Variants in ZNF385D observed in about 807,000 individuals in gnomAD.
ZNF385D encodes zinc finger protein 385D.
In ZNF385D, 15 loss-of-function variants were observed where a neutral mutation model predicts 35.8. The observed-to-expected ratio is 0.42, with a 90% CI of 0.28 to 0.64. The LOEUF is 0.64. ZNF385D is among the 30% of genes least tolerant of loss of function. The pLI is 0.23. For missense variants in ZNF385D, 474 were observed against 494.6 expected, an observed-to-expected ratio of 0.96 and a Z score of 0.39; for synonymous variants, 212 against 186.8, an observed-to-expected ratio of 1.13 and a Z score of -1.10.
At chr3:21,805,106 G>A (rs534136600) in intron 3 of ZNF385D, among the ~76,000 whole-genome samples, 38 of 152,226 alleles carry the variant, frequency 2.5e-4, no homozygotes, top group Middle Eastern at 3.4e-3. Flanking sequence ...TCTAATTACC[G>A]GCTTTTTGCT....
intron 3 of ZNF385D, among the ~76,000 whole-genome samples, chr3:21,985,857 T>C (rs955895859): frequency 1.6e-4 from 20 of 124,796 alleles, no homozygotes; most frequent in Non-Finnish European, 3.1e-4. Context: ...CTGTTATTGG[T>C]CTATTCAGAG....
At chr3:21,515,323 C>T (rs915758717) in intron 3 of ZNF385D, among the ~76,000 whole-genome samples, 63 of 152,126 alleles carry the variant, frequency 4.1e-4, no homozygotes, top group African/African-American at 1.5e-3. Context: ...CTTTTCACAT[C>T]TCTTTTACAA....
chr3:21,735,933 A>C (rs767995081), intron 1 of ZNF385D, among the ~76,000 whole-genome samples: 4 of 152,218 alleles, frequency 2.6e-5, no homozygotes, highest in Non-Finnish European at 5.9e-5. Flanking sequence ...CTTTACATAA[A>C]TGTCCCTACT....
chr3:21,436,886 G>A, intron 5 of ZNF385D, 84 bp downstream of exon 5: 1 of 1,297,472 alleles, frequency 7.7e-7, no homozygotes, highest in Non-Finnish European at 1.1e-6. Context: ...CCACCCCTTT[G>A]TCCCCTGCTG....
chr3:22,067,940 G>C (rs895923063), intron 3 of ZNF385D, among the ~76,000 whole-genome samples: 1 of 151,910 alleles, frequency 6.6e-6, no homozygotes, highest in African/African-American at 2.4e-5. Flanking sequence ...TTGAACCCGG[G>C]AGGCAGAGGT....
At chr3:21,710,228 T>C (rs748916724) in intron 1 of ZNF385D, among the ~76,000 whole-genome samples, 45 of 152,184 alleles carry the variant, frequency 3.0e-4, no homozygotes, top group Middle Eastern at 3.2e-3. Context: ...AGTGGTTACA[T>C]AGACTGCATG....
At chr3:21,995,864 A>C (rs1695433254) in intron 3 of ZNF385D, among the ~76,000 whole-genome samples, 1 of 151,958 alleles carries the variant, frequency 6.6e-6, no homozygotes. Flanking sequence ...GTGGGGATAC[A>C]CTTTGGTTCT....
intron 3 of ZNF385D, among the ~76,000 whole-genome samples, chr3:22,002,789 A>G (rs1032973524): frequency 2.0e-5 from 3 of 152,204 alleles, no homozygotes; most frequent in African/African-American, 4.8e-5. Flanking sequence ...TTCAACATAC[A>G]CAAATAAAGA....
intron 3 of ZNF385D, among the ~76,000 whole-genome samples, chr3:22,043,773 A>G (rs1371545898): frequency 1.3e-5 from 2 of 152,120 alleles, no homozygotes; most frequent in African/African-American, 4.8e-5. Context: ...TAAAAATGAC[A>G]GGTTGTCATT....
intron 3 of ZNF385D, among the ~76,000 whole-genome samples, chr3:21,785,785 G>A (rs986898863): frequency 6.6e-6 from 1 of 152,108 alleles, no homozygotes; most frequent in African/African-American, 2.4e-5. Flanking sequence ...AAAATTTGAA[G>A]GTAAATAGGA....
chr3:21,888,094 G>GA (rs1417345584), intron 3 of ZNF385D, among the ~76,000 whole-genome samples: 3 of 151,358 alleles, frequency 2.0e-5, no homozygotes, highest in Non-Finnish European at 4.4e-5. Context: ...CCCTTTTTTG[G>GA]AAAAAACATC....
At chr3:21,437,276 T>A in intron 4 of ZNF385D, 73 bp from the exon 5 acceptor site, 1 of 1,377,250 alleles carries the variant, frequency 7.3e-7, no homozygotes, top group Non-Finnish European at 1.0e-6. Flanking sequence ...GAATGTATCA[T>A]GAATATTGCA....
At chr3:21,612,109 C>T (rs1352937440) in intron 2 of ZNF385D, among the ~76,000 whole-genome samples, 2 of 152,006 alleles carry the variant, frequency 1.3e-5, no homozygotes, top group Non-Finnish European at 2.9e-5. Flanking sequence ...GATGGAGTGT[C>T]GCTCTGTAGC....
intron 3 of ZNF385D, among the ~76,000 whole-genome samples, chr3:22,041,295 G>A (rs1379298335): frequency 1.3e-5 from 2 of 152,072 alleles, no homozygotes; most frequent in African/African-American, 4.8e-5. Flanking sequence ...CTATAGCCAG[G>A]CATCTATAGT....
At chr3:21,801,110 T>G (rs2072379316) in intron 3 of ZNF385D, among the ~76,000 whole-genome samples, 1 of 152,174 alleles carries the variant, frequency 6.6e-6, no homozygotes, top group South Asian at 2.1e-4. Flanking sequence ...TCTATTAATA[T>G]TCTTTATTAC....
chr3:22,361,054 C>T lies in ZNF385D; in HGVS notation c.106+11396G>A, dbSNP rs935802763. ...GAGGAAAAAAAGTCACAGCCTTTGC[C>T]GCTCAAAACAAAACTAGTTGATGTT... On this transcript the variant is annotated intron_variant, in intron 2 of 5. Transcript: ENST00000494108. Among the ~76,000 whole-genome samples the T allele has an allele frequency of 2.6e-5, 4 of 152,060 alleles. 1 individual carries two copies. The highest frequency in any genetic ancestry group is 4.1e-4 in the South Asian group (2 of 4,824).
At position 22,218,297 on chromosome 3, in the gene ZNF385D, C is replaced by A. The variant is rs111240458; in HGVS notation, c.107-49262G>T. ...TTATTCACCTTTGACTAATTGTATC[C>A]CTAGTATTTACTTTTATGTATTTTT... On this transcript the variant is annotated intron_variant, in intron 2 of 5. Coordinates refer to the ZNF385D transcript ENST00000494108. Among the ~76,000 whole-genome samples the A allele has an allele frequency of 3.7e-3, 564 of 151,786 alleles. 6 individuals are homozygous for A. The highest frequency in any genetic ancestry group is 0.013 in the African/African-American group (518 of 41,400).
At chr3:22,234,979 A>C (rs955981755) in intron 2 of ZNF385D, among the ~76,000 whole-genome samples, 1 of 152,038 alleles carries the variant, frequency 6.6e-6, no homozygotes, top group African/African-American at 2.4e-5. Flanking sequence ...AGAAAATTTA[A>C]GTTTTTATTT....
At chr3:21,702,049 C>T (rs7612487) in intron 1 of ZNF385D, among the ~76,000 whole-genome samples, 248 of 152,268 alleles carry the variant, frequency 1.6e-3, no homozygotes, top group African/African-American at 5.8e-3. Context: ...CAGTAACCCT[C>T]TTCTCACAGC....
Sources: gnomAD v4.1 joint callset for allele counts (sites outside exome capture counted in the v4.1 genomes callset) on GRCh38, gnomAD v4.1.1 for gene constraint, MANE v1.5 for transcripts, NCBI Gene and HGNC (gene_info 2026-07-23, HGNC 2026-07-21) for gene names.